HERC3: variants seen among roughly 807,000 people sequenced by gnomAD.
HERC3 encodes probable E3 ubiquitin-protein ligase HERC3.
Under a neutral mutation model 129.9 loss-of-function variants are expected in HERC3, and 58 were observed. The observed-to-expected ratio is 0.45, with a 90% CI of 0.36 to 0.56. The LOEUF (loss-of-function observed/expected upper bound fraction) is 0.56. HERC3 is among the 20% of genes least tolerant of loss of function. HERC3 has a pLI of 0.00. For synonymous variants in HERC3, 430 were observed against 451.0 expected, an observed-to-expected ratio of 0.95 and a Z score of 0.59; for missense variants, 835 against 1,244.2, an observed-to-expected ratio of 0.67 and a Z score of 4.95.
rs1728574914 is a variant in HERC3 at position 88,645,316 on chromosome 4, CTG to C, written c.227-4522_227-4521del. ...GAACTGGGTTTCCTACAATATGTCTCTGTCTTGTTTTCTACTATTAAAGAAAA... is the reference window on the plus strand; with the variant it reads ...GAACTGGGTTTCCTACAATATGTCTCTCTTGTTTTCTACTATTAAAGAAAA... On this transcript the variant is annotated intron_variant, in intron 3 of 25. Coordinates refer to ENST00000402738, the MANE Select transcript of HERC3 (RefSeq NM_014606.3). Among the ~76,000 whole-genome samples, 9 of 152,214 alleles carry C rather than the reference CTG, an allele frequency of 5.9e-5. No individual in the cohort carries two copies. The South Asian group carries it at 1.9e-3, about 32-fold the overall frequency.
chr4:88,688,712 CTT>C (rs1390841386), intron 23 of HERC3, among the ~76,000 whole-genome samples: 1 of 152,064 alleles, frequency 6.6e-6, no homozygotes, highest in Non-Finnish European at 1.5e-5. Flanking sequence ...ATAAAGAAGT[CTT>C]ATATGAATAT....
At chr4:88,609,276 C>T (rs888142773) in intron 3 of HERC3, among the ~76,000 whole-genome samples, 2 of 152,066 alleles carry the variant, frequency 1.3e-5, no homozygotes, top group Non-Finnish European at 2.9e-5. Context: ...GAGCAAGACT[C>T]TGTCTCAAAA....
chr4:88,639,128 G>T (rs143836453), intron 3 of HERC3, among the ~76,000 whole-genome samples: 192 of 152,280 alleles, frequency 1.3e-3, no homozygotes, highest in African/African-American at 4.0e-3. Context: ...CATCCTCATG[G>T]ATAGGAAGAA....
the HERC3 span, among the ~76,000 whole-genome samples, chr4:88,531,353 A>G: frequency 6.6e-6 from 1 of 152,102 alleles, no homozygotes; most frequent in Non-Finnish European, 1.5e-5. Flanking sequence ...AGTATTTCTT[A>G]ATGGGAGTCA....
chr4:88,687,150 A>G (rs1467550068), intron 22 of HERC3, 67 bp from the exon 23 acceptor site: 2 of 1,213,452 alleles, frequency 1.6e-6, no homozygotes, highest in Non-Finnish European at 1.2e-6. Context: ...TCTCTCAGTC[A>G]TTTGAGTTCT....
intron 8 of HERC3, 96 bp from the exon 9 acceptor site, chr4:88,655,779 C>T (rs896447701): frequency 3.1e-6 from 4 of 1,273,908 alleles, no homozygotes; most frequent in African/African-American, 3.0e-5. Context: ...ATAGGAGCAC[C>T]CTGTGCTGTG....
chr4:88,703,163 C>T (rs1331411019), intron 23 of HERC3, among the ~76,000 whole-genome samples: 4 of 152,138 alleles, frequency 2.6e-5, no homozygotes, highest in Admixed American at 6.5e-5. Flanking sequence ...CACCCTTAAC[C>T]AGTCACATAG....
intron 3 of HERC3, among the ~76,000 whole-genome samples, chr4:88,640,244 A>T (rs1157699106): frequency 6.6e-6 from 1 of 152,256 alleles, no homozygotes; most frequent in African/African-American, 2.4e-5. Flanking sequence ...AAAGGAATAC[A>T]AATCATTCTA....
chr4:88,549,802 T>TC, the HERC3 span, among the ~76,000 whole-genome samples: 1 of 151,990 alleles, frequency 6.6e-6, no homozygotes, highest in East Asian at 1.9e-4. Flanking sequence ...CCTCCTAGGT[T>TC]CAAGCGATTA....
chr4:88,643,758 T>G (rs1728390126), intron 3 of HERC3, among the ~76,000 whole-genome samples: 1 of 152,148 alleles, frequency 6.6e-6, no homozygotes, highest in African/African-American at 2.4e-5. Flanking sequence ...GAATCACAGA[T>G]CTCAATGTAA....
chr4:88,533,913 T>C, the HERC3 span, among the ~76,000 whole-genome samples: 5 of 152,222 alleles, frequency 3.3e-5, no homozygotes, highest in Admixed American at 3.3e-4. Context: ...AAGTGCTATG[T>C]ACCTTCACTA....
chr4:88,606,303 G>A (rs1218290637), intron 3 of HERC3, among the ~76,000 whole-genome samples: 1 of 149,664 alleles, frequency 6.7e-6, no homozygotes, highest in African/African-American at 2.5e-5. Flanking sequence ...CCAGGCTTGA[G>A]TGCAGTGGTG....
chr4:88,591,635 C>A (rs1721715426), upstream of HERC3, among the ~76,000 whole-genome samples: 1 of 152,026 alleles, frequency 6.6e-6, no homozygotes, highest in African/African-American at 2.4e-5. Flanking sequence ...AGGTTTTCTG[C>A]AAAAGATTAG....
intron 3 of HERC3, among the ~76,000 whole-genome samples, chr4:88,637,550 A>G (rs1727565452): frequency 6.6e-6 from 1 of 152,240 alleles, no homozygotes; most frequent in South Asian, 2.1e-4. Context: ...ACCAATGAGA[A>G]CAAAGAAGGA....
the HERC3 span, among the ~76,000 whole-genome samples, chr4:88,560,274 T>C: frequency 6.6e-6 from 1 of 152,176 alleles, no homozygotes; most frequent in Non-Finnish European, 1.5e-5. Context: ...TTTTTTATAA[T>C]AGCCATCCTA....
chr4:88,672,224 G>C (rs1731685408), intron 16 of HERC3, among the ~76,000 whole-genome samples: 1 of 152,086 alleles, frequency 6.6e-6, no homozygotes, highest in Non-Finnish European at 1.5e-5. Flanking sequence ...TTAAAATCTA[G>C]ATTATTATGA....
intron 3 of HERC3, among the ~76,000 whole-genome samples, chr4:88,626,447 G>T (rs908818875): frequency 1.3e-5 from 2 of 152,046 alleles, no homozygotes; most frequent in African/African-American, 4.8e-5. Flanking sequence ...AGCTTTCTTT[G>T]TGGGGATATT....
At chr4:88,659,817 T>C (rs1461696978) in intron 10 of HERC3, among the ~76,000 whole-genome samples, 1 of 152,238 alleles carries the variant, frequency 6.6e-6, no homozygotes. Flanking sequence ...AAATTTAACA[T>C]GAAATTTAGT....
the HERC3 span, among the ~76,000 whole-genome samples, chr4:88,585,566 T>C: frequency 6.6e-6 from 1 of 151,932 alleles, no homozygotes; most frequent in East Asian, 1.9e-4. Context: ...TTGACTCACT[T>C]TTATTGGCTT....
Sources: allele counts gnomAD v4.1 joint callset (sites outside exome capture counted in the v4.1 genomes callset), GRCh38; gene constraint gnomAD v4.1.1; transcripts MANE v1.5; gene names NCBI Gene and HGNC (gene_info 2026-07-23, HGNC 2026-07-21).